RCC1L: variants seen among roughly 807,000 people sequenced by gnomAD.
RCC1L encodes the protein RCC1-like G exchanging factor-like protein.
Under a neutral mutation model 58.6 loss-of-function variants are expected in RCC1L, and 46 were observed. That is an observed-to-expected ratio of 0.79 (90% CI 0.62 to 1.00). The LOEUF (loss-of-function observed/expected upper bound fraction) is 1.00. RCC1L is among the 50% of genes least tolerant of loss of function. The pLI, the probability that RCC1L is intolerant of heterozygous loss-of-function variation, is 0.00. For missense variants in RCC1L, 636 were observed against 623.6 expected (o/e 1.02, Z -0.21); for synonymous variants, 281 against 262.9 (o/e 1.07, Z -0.67).
At chr7:75,028,308 A>T (rs1217108526) in intron 10 of RCC1L, among the ~76,000 whole-genome samples, 24 of 151,904 alleles carry the variant, frequency 1.6e-4, no homozygotes, top group African/African-American at 5.6e-4. Context: ...TTTGGTAGAG[A>T]CGGGGTTTCA....
intron 7 of RCC1L, 196 bp from the exon 8 acceptor site, chr7:75,057,812 CAG>C (rs1381103335): frequency 7.5e-6 from 5 of 662,810 alleles, no homozygotes; most frequent in Non-Finnish European, 1.4e-5. Flanking sequence ...TTTCCACCCT[CAG>C]AGAGTTCTAG....
chr7:75,069,816 C>T (rs1334259315), intron 2 of RCC1L, among the ~76,000 whole-genome samples: 6 of 151,592 alleles, frequency 4.0e-5, no homozygotes, highest in Admixed American at 2.0e-4. Flanking sequence ...CTGCCCTCCT[C>T]GGCTTCCCAA....
chr7:75,043,266 C>G (rs902231286), intron 10 of RCC1L, among the ~76,000 whole-genome samples, 157 bp from the exon 11 acceptor site: 11 of 151,614 alleles, frequency 7.3e-5, no homozygotes, highest in Non-Finnish European at 1.3e-4. Context: ...GAGACAGCTT[C>G]TCTGAGCCTC....
At chr7:75,067,232 C>T (rs1170603049) in intron 2 of RCC1L, among the ~76,000 whole-genome samples, 1 of 151,278 alleles carries the variant, frequency 6.6e-6, no homozygotes, top group Non-Finnish European at 1.5e-5. Flanking sequence ...ACCCGGAAGG[C>T]GGAGGTTGCA....
chr7:75,029,362 C>CTTTT, intron 10 of RCC1L, among the ~76,000 whole-genome samples: 1 of 126,194 alleles, frequency 7.9e-6, no homozygotes, highest in Non-Finnish European at 1.7e-5. Flanking sequence ...ATGGGGGGAT[C>CTTTT]TTTTTTTTTT....
intron 9 of RCC1L, chr7:75,055,694 A>G (rs1806053084): frequency 1.6e-6 from 1 of 638,744 alleles, no homozygotes; most frequent in Non-Finnish European, 2.8e-6. Flanking sequence ...CAAACGAACC[A>G]AAATTAAAAC....
In RCC1L at chr7:75,055,897, T is replaced by G; in HGVS notation, c.1231+4A>C. 1.2e-6 allele frequency: 2 copies of G among 1,613,942 alleles called. No individual in the cohort carries two copies. The highest frequency in any genetic ancestry group is 1.3e-5 in the African/African-American group (1 of 75,050). ...CACCAGGGCCACCGGGCTTGGTAAC[T>G]TACTGGTCAGTGCAGCAAAGTGGCT... On this transcript the variant is annotated splice_donor_region_variant and intron_variant, in intron 9 of 10. Transcript: ENST00000610322.
intron 10 of RCC1L, among the ~76,000 whole-genome samples, chr7:75,034,809 T>C (rs928249482): frequency 6.6e-6 from 1 of 151,736 alleles, no homozygotes; most frequent in Admixed American, 6.6e-5. Flanking sequence ...TGCACCACCA[T>C]GTTTGGCTAA....
chr7:75,034,996 T>C (rs1805406037), intron 10 of RCC1L, among the ~76,000 whole-genome samples: 1 of 152,108 alleles, frequency 6.6e-6, no homozygotes, highest in Admixed American at 6.6e-5. Context: ...TGATGACTAC[T>C]GGGCACCAAG....
At chr7:75,044,425 C>T (rs1805656011) in intron 10 of RCC1L, among the ~76,000 whole-genome samples, 1 of 151,270 alleles carries the variant, frequency 6.6e-6, no homozygotes. Flanking sequence ...ATGGTGAAAC[C>T]CTGTCTCTAC....
chr7:75,037,952 G>C (rs1318339354), downstream of RCC1L, among the ~76,000 whole-genome samples: 1 of 152,132 alleles, frequency 6.6e-6, no homozygotes, highest in Non-Finnish European at 1.5e-5. Flanking sequence ...GTTAAATATC[G>C]GGGCTGGTGT....
intron 10 of RCC1L, among the ~76,000 whole-genome samples, chr7:75,048,033 G>A (rs1237318326): frequency 5.4e-5 from 8 of 148,638 alleles, no homozygotes; most frequent in South Asian, 2.1e-4. Flanking sequence ...TTGGGAGGCC[G>A]AGGCAGGTGG....
intron 10 of RCC1L, among the ~76,000 whole-genome samples, chr7:75,029,952 T>C (rs1291022846): frequency 6.6e-6 from 1 of 152,038 alleles, no homozygotes; most frequent in African/African-American, 2.4e-5. Context: ...GAGGCCAAGA[T>C]AGCAAGACCA....
chr7:75,062,706 G>A (rs1007558791), intron 5 of RCC1L, among the ~76,000 whole-genome samples: 20 of 152,260 alleles, frequency 1.3e-4, no homozygotes, highest in South Asian at 6.2e-4. Context: ...TTTTGCCTCA[G>A]CCTCCCCAGA....
At chr7:75,029,362 CTTTTT>C (rs1177516960) in intron 10 of RCC1L, among the ~76,000 whole-genome samples, 4 of 126,186 alleles carry the variant, frequency 3.2e-5, no homozygotes, top group Admixed American at 8.1e-5. Context: ...ATGGGGGGAT[CTTTTT>C]TTTTTTTTTT....
At chr7:75,072,925 G>T (rs1166450207) in intron 1 of RCC1L, among the ~76,000 whole-genome samples, 2 of 152,178 alleles carry the variant, frequency 1.3e-5, no homozygotes, top group Admixed American at 1.3e-4. Flanking sequence ...GAGCGACAGA[G>T]CGAGACCCTG....
chr7:75,040,754 C>T (rs1206645551), downstream of RCC1L, among the ~76,000 whole-genome samples: 3 of 152,120 alleles, frequency 2.0e-5, no homozygotes, highest in East Asian at 3.8e-4. Flanking sequence ...AAATGACACA[C>T]GGTTTTCAAT....
At chr7:75,046,843 C>T (rs1276348563) in intron 10 of RCC1L, among the ~76,000 whole-genome samples, 5 of 152,268 alleles carry the variant, frequency 3.3e-5, no homozygotes, top group Admixed American at 1.3e-4. Flanking sequence ...AGGTGAAAGA[C>T]GGGGGTGCGG....
At chr7:75,054,508 G>C (rs1806016538) in intron 9 of RCC1L, among the ~76,000 whole-genome samples, 1 of 152,196 alleles carries the variant, frequency 6.6e-6, no homozygotes, top group Non-Finnish European at 1.5e-5. Context: ...TTCTAAACAT[G>C]TGTCTCTGCC....
Sources: gnomAD v4.1 joint callset for allele counts (sites outside exome capture counted in the v4.1 genomes callset) on GRCh38, gnomAD v4.1.1 for gene constraint, MANE v1.5 for transcripts, NCBI Gene and HGNC (gene_info 2026-07-23, HGNC 2026-07-21) for gene names.